The following EFCAB13 variants were observed in gnomAD, a reference collection of about 807,000 sequenced individuals.
EFCAB13 encodes EF-hand calcium-binding domain-containing protein 13.
Under a neutral mutation model 110.2 loss-of-function variants are expected in EFCAB13, and 91 were observed. That is an observed-to-expected ratio of 0.83 (90% CI 0.70 to 0.98). EFCAB13 has a LOEUF of 0.98. Ranked by LOEUF, EFCAB13 falls within the 50% of genes least tolerant of loss-of-function variation. The probability of loss-of-function intolerance (pLI) is 0.00; values close to 1 mark genes in which losing one functional copy is unlikely to be tolerated. For missense variants in EFCAB13, 968 were observed against 1,119.4 expected, an observed-to-expected ratio of 0.86 and a Z score of 1.93; for synonymous variants, 323 against 369.9, an observed-to-expected ratio of 0.87 and a Z score of 1.45.
chr17:47,424,223 C>A (rs1904846249), intron 23 of EFCAB13, among the ~76,000 whole-genome samples: 1 of 152,220 alleles, frequency 6.6e-6, no homozygotes, highest in Non-Finnish European at 1.5e-5. Flanking sequence ...TGCAGGGGGG[C>A]TGCGGGGACT....
chr17:47,375,117 C>A, intron 12 of EFCAB13, 151 bp downstream of exon 12: 1 of 975,288 alleles, frequency 1.0e-6, no homozygotes, highest in Non-Finnish European at 1.4e-6. Flanking sequence ...TTTATAGAGA[C>A]AGGGTTACCC....
chr17:47,331,326 A>G (rs1315603459), intron 4 of EFCAB13, among the ~76,000 whole-genome samples: 1 of 151,994 alleles, frequency 6.6e-6, no homozygotes, highest in Non-Finnish European at 1.5e-5. Flanking sequence ...TCTTGGGGTC[A>G]TAGTCATAAA....
intron 6 of EFCAB13, among the ~76,000 whole-genome samples, chr17:47,343,365 T>C (rs1474712588): frequency 1.3e-5 from 2 of 152,196 alleles, no homozygotes; most frequent in Non-Finnish European, 2.9e-5. Flanking sequence ...GTTATGATTA[T>C]GACTAATCAG....
intron 14 of EFCAB13, among the ~76,000 whole-genome samples, chr17:47,384,772 C>CTT (rs879806018): frequency 2.8e-5 from 4 of 144,378 alleles, no homozygotes; most frequent in Non-Finnish European, 4.6e-5. Flanking sequence ...CTGCCCTTAA[C>CTT]TTTTTTTTTT....
chr17:47,440,412 A>G lies in EFCAB13; in HGVS notation c.2639-19A>G. On this transcript the variant is annotated intron_variant, in intron 24 of 24. Transcript: ENST00000331493. ...AACAATAATTCTTTCTTTTAAGTAA[A>G]TTATGCTTTGCCTTACAGAAAGTGG... The G allele has an allele frequency of 6.5e-7, 1 of 1,541,568 alleles. No homozygotes were observed. Among genetic ancestry groups the G allele is most frequent in the Non-Finnish European group, 8.7e-7 (1 of 1,150,814 alleles).
chr17:47,340,373 A>G (rs553169365), intron 5 of EFCAB13, among the ~76,000 whole-genome samples: 12 of 152,182 alleles, frequency 7.9e-5, no homozygotes, highest in African/African-American at 2.9e-4. Context: ...GTGTGCCTAT[A>G]ATTCAGTACT....
intron 24 of EFCAB13, among the ~76,000 whole-genome samples, chr17:47,434,685 T>A (rs117958322): frequency 6.6e-6 from 1 of 152,256 alleles, no homozygotes; most frequent in Non-Finnish European, 1.5e-5. Flanking sequence ...GGTACTGTTA[T>A]AAAAATAGGC....
chr17:47,342,609 T>TC (rs1354916003), intron 6 of EFCAB13, among the ~76,000 whole-genome samples: 2 of 152,212 alleles, frequency 1.3e-5, no homozygotes, highest in African/African-American at 4.8e-5. Context: ...TATCCTTTTT[T>TC]CCCCTCTGTC....
rs1296549732 is a variant in EFCAB13 at position 47,395,882 on chromosome 17, T to C, written c.1850T>C (p.Met617Thr). The change falls in exon 17 of 25, where the codon ATG (methionine) becomes ACG (threonine). Residue 617 changes from methionine to threonine, a missense_variant. Met to Thr is a moderately conservative substitution (Grantham distance 81, BLOSUM62 -1). Coordinates refer to ENST00000331493, the MANE Select transcript of EFCAB13 (RefSeq NM_152347.5). ...ETLDDLRKET[M>T]SVSDLWNTLS... The stretch of plus-strand genomic sequence containing the variant: ...CTCGACGATCTCAGAAAGGAGACGA[T>C]GAGTGTTTCTGACCTGTGGAATACT... 5.6e-6 allele frequency: 9 copies of C among 1,610,730 alleles called. No homozygotes were observed. Among genetic ancestry groups the C allele is most frequent in the Non-Finnish European group, 6.8e-6 (8 of 1,177,696 alleles).
chr17:47,396,612 T>G (rs1419792036), intron 17 of EFCAB13, among the ~76,000 whole-genome samples: 1 of 152,192 alleles, frequency 6.6e-6, no homozygotes, highest in Admixed American at 6.5e-5. Context: ...ATGTACCTAG[T>G]ACGTTTATAT....
At chr17:47,361,293 C>A in intron 9 of EFCAB13, 85 bp from the exon 10 acceptor site, 1 of 1,261,556 alleles carries the variant, frequency 7.9e-7, no homozygotes, top group Non-Finnish European at 1.1e-6. Context: ...AAGTTATTTT[C>A]CCTTAGTAGG....
intron 9 of EFCAB13, among the ~76,000 whole-genome samples, chr17:47,353,516 G>A (rs532672841): frequency 1.1e-4 from 17 of 152,014 alleles, no homozygotes; most frequent in East Asian, 9.7e-4. Flanking sequence ...GGCTGATGTC[G>A]AACTCCTGAC....
intron 20 of EFCAB13, among the ~76,000 whole-genome samples, chr17:47,407,723 T>C (rs931507226): frequency 2.6e-5 from 4 of 152,190 alleles, no homozygotes; most frequent in Non-Finnish European, 5.9e-5. Flanking sequence ...ATAAAAAATT[T>C]CTTCTGAATT....
chr17:47,411,779 T>C (rs1016733764), intron 21 of EFCAB13, among the ~76,000 whole-genome samples: 29 of 152,022 alleles, frequency 1.9e-4, no homozygotes. Context: ...GAGGGAGAAA[T>C]TGATTGAGAA....
chr17:47,341,809 G>T, intron 5 of EFCAB13, 112 bp from the exon 6 acceptor site: 1 of 628,648 alleles, frequency 1.6e-6, no homozygotes. Context: ...GTTGAAACTG[G>T]GTGATGGGAT....
rs531595435 is a variant in EFCAB13, at chr17:47,398,799, T to G, written c.1945+2822T>G. On this transcript the variant is annotated intron_variant, in intron 17 of 24. Transcript: ENST00000331493. Reference sequence around the variant, plus strand: ...GCTGACCTTGCCTCCACTATTGTCCTATGACCGTGCCAAATCCCCCTCTGC... The same window carrying G: ...GCTGACCTTGCCTCCACTATTGTCCGATGACCGTGCCAAATCCCCCTCTGC... Among the ~76,000 whole-genome samples, 689 of 151,868 alleles carry G rather than the reference T, an allele frequency of 4.5e-3. 3 individuals carry two copies. The highest frequency in any genetic ancestry group is 0.016 in the African/African-American group (669 of 41,424).
intron 17 of EFCAB13, among the ~76,000 whole-genome samples, chr17:47,397,624 C>T (rs1452243003): frequency 6.6e-6 from 1 of 151,378 alleles, no homozygotes; most frequent in Non-Finnish European, 1.5e-5. Context: ...TCTGCCCGGC[C>T]GCCCATCGTC....
chr17:47,407,624 GCTTT>G (rs1193360332), intron 20 of EFCAB13, among the ~76,000 whole-genome samples: 2 of 152,222 alleles, frequency 1.3e-5, no homozygotes, highest in Admixed American at 6.5e-5. Flanking sequence ...ACACTGATAG[GCTTT>G]CTTTTACTGA....
chr17:47,403,152 T>C (rs993887592), intron 18 of EFCAB13, among the ~76,000 whole-genome samples: 7 of 152,222 alleles, frequency 4.6e-5, no homozygotes, highest in African/African-American at 1.7e-4. Flanking sequence ...CTGTGATTAC[T>C]ATTTGCAGCT....
Sources: allele counts gnomAD v4.1 joint callset (sites outside exome capture counted in the v4.1 genomes callset), GRCh38; gene constraint gnomAD v4.1.1; transcripts MANE v1.5; gene names NCBI Gene and HGNC (gene_info 2026-07-23, HGNC 2026-07-21).